The following LOC122539214 variants were observed in gnomAD, a reference collection of about 807,000 sequenced individuals.
chr19:52,664,712 A>C, the LOC122539214 span, among the ~76,000 whole-genome samples: 2 of 45,536 alleles, frequency 4.4e-5, no homozygotes, highest in Non-Finnish European at 8.4e-5. Flanking sequence ...GTGGGGCCTG[A>C]GTGAGGCCAG....
chr19:52,685,897 CAAAAAAAAAAAAAA>C, the LOC122539214 span, among the ~76,000 whole-genome samples: 2 of 132,442 alleles, frequency 1.5e-5, no homozygotes, highest in East Asian at 2.4e-4. Flanking sequence ...GTAACTGTCA[CAAAAAAAAAAAAAA>C]AAAAAAAAAA....
the LOC122539214 span, among the ~76,000 whole-genome samples, chr19:52,685,677 A>C: frequency 6.6e-6 from 1 of 152,050 alleles, no homozygotes; most frequent in Admixed American, 6.6e-5. Flanking sequence ...TGGGCAGATC[A>C]CCTGAGGTCA....
chr19:52,676,184 T>C, the LOC122539214 span, among the ~76,000 whole-genome samples: 16,561 of 152,234 alleles, frequency 0.11, 1,211 homozygotes, highest in Non-Finnish European at 0.15. Context: ...GGTTTCGCTG[T>C]GTTGGTTGGG....
the LOC122539214 span, among the ~76,000 whole-genome samples, chr19:52,682,360 G>A: frequency 1.1e-4 from 16 of 151,628 alleles, no homozygotes; most frequent in Non-Finnish European, 2.2e-4. Flanking sequence ...ACTTCACCCT[G>A]GACAGAATAA....
the LOC122539214 span, chr19:52,660,800 T>C: frequency 4.8e-5 from 10 of 210,022 alleles, no homozygotes; most frequent in Non-Finnish European, 6.2e-5. Flanking sequence ...TCTTTGGTCT[T>C]CTTGGTGGCT....
chr19:52,663,357 G>A, the LOC122539214 span, among the ~76,000 whole-genome samples: 2 of 152,156 alleles, frequency 1.3e-5, no homozygotes, highest in African/African-American at 2.4e-5. Flanking sequence ...TGAAAGAGAG[G>A]CAGTGGTAGA....
At chr19:52,675,532 C>T in the LOC122539214 span, among the ~76,000 whole-genome samples, 3 of 152,012 alleles carry the variant, frequency 2.0e-5, no homozygotes, top group East Asian at 3.9e-4. Flanking sequence ...TAAGCGGCCT[C>T]CTATAATTTT....
the LOC122539214 span, chr19:52,660,716 A>G: frequency 5.4e-6 from 1 of 186,546 alleles, no homozygotes; most frequent in Admixed American, 5.3e-5. Flanking sequence ...AATACCTGGT[A>G]TATCAGAAAA....
chr19:52,658,189 A>G, the LOC122539214 span, among the ~76,000 whole-genome samples: 2 of 151,944 alleles, frequency 1.3e-5, no homozygotes, highest in African/African-American at 4.8e-5. Flanking sequence ...ACAAAGAATA[A>G]AGAAAAATGA....
At chr19:52,667,789 C>T in the LOC122539214 span, among the ~76,000 whole-genome samples, 2 of 152,072 alleles carry the variant, frequency 1.3e-5, no homozygotes, top group African/African-American at 4.8e-5. Flanking sequence ...AAAAATCTTA[C>T]CTTATGGTCA....
chr19:52,670,008 A>G, the LOC122539214 span, among the ~76,000 whole-genome samples: 1 of 152,248 alleles, frequency 6.6e-6, no homozygotes, highest in Admixed American at 6.5e-5. Context: ...CTTTTCAAAG[A>G]ATCAATAAGT....
the LOC122539214 span, among the ~76,000 whole-genome samples, chr19:52,687,378 AATT>A: frequency 1.7e-4 from 7 of 40,272 alleles, no homozygotes; most frequent in South Asian, 6.1e-4. Context: ...TATAAATTAT[AATT>A]TATATATATA....
At chr19:52,663,730 A>C in the LOC122539214 span, among the ~76,000 whole-genome samples, 1 of 152,256 alleles carries the variant, frequency 6.6e-6, no homozygotes, top group African/African-American at 2.4e-5. Flanking sequence ...AACACAATAA[A>C]TTTCAGAGAA....
chr19:52,670,368 A>T, the LOC122539214 span, among the ~76,000 whole-genome samples: 3 of 152,240 alleles, frequency 2.0e-5, no homozygotes, highest in Non-Finnish European at 4.4e-5. Context: ...GGGGAATGAC[A>T]CAGCAGCAAG....
chr19:52,669,170 T>C, the LOC122539214 span, among the ~76,000 whole-genome samples: 2 of 152,190 alleles, frequency 1.3e-5, no homozygotes, highest in African/African-American at 4.8e-5. Flanking sequence ...TTTAGTCCAA[T>C]TGGCTATCCC....
the LOC122539214 span, among the ~76,000 whole-genome samples, chr19:52,687,580 A>T: frequency 3.8e-5 from 1 of 26,576 alleles, no homozygotes; most frequent in Admixed American, 3.8e-4. Flanking sequence ...TATAAATTTT[A>T]TATATATATA....
At chr19:52,676,606 A>G in the LOC122539214 span, among the ~76,000 whole-genome samples, 12 of 150,070 alleles carry the variant, frequency 8.0e-5, no homozygotes, top group Non-Finnish European at 1.0e-4. Context: ...CTGCCTGGCC[A>G]CCACCCCGTC....
chr19:52,652,879 C>T, the LOC122539214 span: 32 of 1,043,650 alleles, frequency 3.1e-5, no homozygotes, highest in Non-Finnish European at 4.4e-5. Context: ...GGTCTTGCCA[C>T]ACTCATTGCA....
chr19:52,658,255 G>A, the LOC122539214 span, among the ~76,000 whole-genome samples: 2 of 152,010 alleles, frequency 1.3e-5, no homozygotes, highest in South Asian at 4.2e-4. Context: ...TACACATTAT[G>A]AAAGTCCCAG....
Sources: allele counts gnomAD v4.1 joint callset (sites outside exome capture counted in the v4.1 genomes callset), GRCh38; gene constraint gnomAD v4.1.1; transcripts MANE v1.5.